The following BRIP1 variants were observed in gnomAD, a reference collection of about 807,000 sequenced individuals.
BRIP1 encodes the protein BRCA1 interacting DNA helicase 1, also known as Fanconi anemia group J protein.
Under a neutral mutation model 119.7 loss-of-function variants are expected in BRIP1, and 88 were observed. The observed-to-expected ratio is 0.74, with a 90% CI of 0.62 to 0.88. The LOEUF is 0.88. BRIP1 is among the 40% of genes least tolerant of loss of function. The pLI, the probability that BRIP1 is intolerant of heterozygous loss-of-function variation, is 0.00. For synonymous variants in BRIP1, 443 were observed against 496.5 expected (o/e 0.89, Z 1.43); for missense variants, 1,259 against 1,455.4 (o/e 0.87, Z 2.20).
rs762049694 is a variant in BRIP1 at position 61,784,441 on chromosome 17, T to C, written c.1474-17A>G. The C allele has an allele frequency of 1.2e-6, 2 of 1,606,830 alleles. No individual in the cohort carries two copies. Among genetic ancestry groups the C allele is most frequent in the Non-Finnish European group, 1.7e-6 (2 of 1,174,122 alleles). ...AAAATGTCCCTATAAGAAATTACCA[T>C]ATTAAGTATAGAGGGGTTGGGAGGG... On this transcript the variant is annotated splice_polypyrimidine_tract_variant and intron_variant, in intron 10 of 19. Coordinates refer to ENST00000259008, the MANE Select transcript of BRIP1 (RefSeq NM_032043.3).
At chr17:61,707,610 A>C (rs2061710225) in intron 17 of BRIP1, among the ~76,000 whole-genome samples, 1 of 151,970 alleles carries the variant, frequency 6.6e-6, no homozygotes, top group Admixed American at 6.6e-5. Flanking sequence ...TTTCCATTTT[A>C]TCTTCCAAGC....
In BRIP1 at chr17:61,774,693, A is replaced by G. The variant is rs1053284627; in HGVS notation, c.2097+1708T>C. 2.0e-5 allele frequency among the ~76,000 whole-genome samples: 3 copies of G among 152,228 alleles called. No individual in the cohort carries two copies. Among genetic ancestry groups the G allele is most frequent in the Admixed American group, 2.0e-4 (3 of 15,286 alleles). ...TTTCGCAATCAAAGAAATAAACTCAATTGGAACAAAGTATATTCGAAGGAT... is the reference window on the plus strand; with the variant it reads ...TTTCGCAATCAAAGAAATAAACTCAGTTGGAACAAAGTATATTCGAAGGAT... On this transcript the variant is annotated intron_variant, in intron 14 of 19. Coordinates refer to ENST00000259008, the MANE Select transcript of BRIP1 (RefSeq NM_032043.3). This position sits in a 1 kb window ranked among gnomAD's most constrained non-coding sequence, Gnocchi z 5.8.
chr17:61,742,874 T>G lies in BRIP1; in HGVS notation c.2379+139A>C, dbSNP rs772733336. 144 of 1,074,904 alleles carry G rather than the reference T, an allele frequency of 1.3e-4. No individual in the cohort carries two copies. Among genetic ancestry groups the G allele is most frequent in the Middle Eastern group, 4.7e-4 (2 of 4,238 alleles). 66.6% of individuals were successfully genotyped at this position (1,074,904 alleles called of 1,614,324 possible). A position where few individuals can be genotyped will look rare whatever the true frequency, so the allele number is the denominator to read the frequency against. ...AAATGGTGCTGAAAGACTTGCACAATGCAGGGTTACCATAAACCTTCAATT... is the reference window on the plus strand; with the variant it reads ...AAATGGTGCTGAAAGACTTGCACAAGGCAGGGTTACCATAAACCTTCAATT... On this transcript the variant is annotated intron_variant, in intron 16 of 19. Transcript: ENST00000259008. This position sits in a 1 kb window ranked among gnomAD's most constrained non-coding sequence, Gnocchi z 4.7.
intron 16 of BRIP1, among the ~76,000 whole-genome samples, chr17:61,727,149 A>G (rs998054449): frequency 6.6e-6 from 1 of 152,214 alleles, no homozygotes; most frequent in Non-Finnish European, 1.5e-5. Context: ...GAAAAAGGCA[A>G]GATTGCTCAT....
At chr17:61,783,107 T>C (rs966799441) in intron 11 of BRIP1, among the ~76,000 whole-genome samples, 2 of 152,192 alleles carry the variant, frequency 1.3e-5, no homozygotes, top group African/African-American at 4.8e-5. Context: ...ACGTTCATAG[T>C]AGCATTGTTT....
chr17:61,847,325 A>G, intron 5 of BRIP1, 105 bp from the exon 6 acceptor site: 2 of 1,251,618 alleles, frequency 1.6e-6, no homozygotes, highest in Non-Finnish European at 2.3e-6. Context: ...CCTGCATCCA[A>G]AAAAAGACTA....
At chr17:61,820,975 G>C (rs1190613632) in intron 6 of BRIP1, among the ~76,000 whole-genome samples, 1 of 151,048 alleles carries the variant, frequency 6.6e-6, no homozygotes. Flanking sequence ...AAGAAAGAAA[G>C]AAAGTACACT....
rs1025914957 is a variant in BRIP1, at chr17:61,757,220, TAAATACAAACTGA to T, written c.2098-12642_2098-12630del. Among the ~76,000 whole-genome samples, 1 of 152,210 alleles carries T rather than the reference TAAATACAAACTGA, an allele frequency of 6.6e-6. No homozygotes were observed. Among genetic ancestry groups the T allele is most frequent in the African/African-American group, 2.4e-5 (1 of 41,460 alleles). ...AAAAATGAATGTCCTTAATTTTTGCTAAATACAAACTGAAAATATAAGAAAACCAAGAATATGA... is the reference window on the plus strand; with the variant it reads ...AAAAATGAATGTCCTTAATTTTTGCTAAATATAAGAAAACCAAGAATATGA... On this transcript the variant is annotated intron_variant, in intron 14 of 19. Transcript: ENST00000259008. The surrounding 1 kb of genome is among the most constrained non-coding windows in gnomAD (Gnocchi z 4.3).
Position 61,835,979 on chromosome 17 carries a change from GA to G in BRIP1, c.627+11121del, listed in dbSNP as rs567542980. On this transcript the variant is annotated intron_variant, in intron 6 of 19. Transcript: ENST00000259008. ...GAAACGGATCTAGAAAGATCCTCAT[GA>G]AAGTGTTCATGGTGTTTCCTTCTGG... is the stretch of plus-strand genomic sequence containing the variant. Among the ~76,000 whole-genome samples, 500 of 152,222 alleles carry G rather than the reference GA, an allele frequency of 3.3e-3. 2 individuals carry two copies. Among genetic ancestry groups the G allele is most frequent in the African/African-American group, 0.011 (476 of 41,548 alleles).
rs1054721897 is a variant in BRIP1, at chr17:61,758,190, A to G, written c.2098-13599T>C. Among the ~76,000 whole-genome samples the G allele has an allele frequency of 6.6e-6, 1 of 152,180 alleles. No homozygotes were observed. The highest frequency in any genetic ancestry group is 2.4e-5 in the African/African-American group (1 of 41,448). On this transcript the variant is annotated intron_variant, in intron 14 of 19. Transcript: ENST00000259008. This position sits in a 1 kb window ranked among gnomAD's most constrained non-coding sequence, Gnocchi z 5.3. ...CTTGTTTTGCTTTTTAAAAATGAAGAACTGTTGACTGAGTTAATAATGTTG... is the reference window on the plus strand; with the variant it reads ...CTTGTTTTGCTTTTTAAAAATGAAGGACTGTTGACTGAGTTAATAATGTTG...
chr17:61,754,285 C>G lies in BRIP1; in HGVS notation c.2098-9694G>C, dbSNP rs1301861689. Among the ~76,000 whole-genome samples the G allele has an allele frequency of 6.6e-6, 1 of 152,140 alleles. No individual in the cohort carries two copies. The highest frequency in any genetic ancestry group is 1.5e-5 in the Non-Finnish European group (1 of 68,018). Reference sequence around the variant, plus strand: ...AGTCCTACTCTGCTACAATGGCTTCCTTTTGCTCAAACTAGGTACTCTCCT... The same window carrying G: ...AGTCCTACTCTGCTACAATGGCTTCGTTTTGCTCAAACTAGGTACTCTCCT... On this transcript the variant is annotated intron_variant, in intron 14 of 19. Coordinates refer to ENST00000259008, the MANE Select transcript of BRIP1 (RefSeq NM_032043.3). This position sits in a 1 kb window ranked among gnomAD's most constrained non-coding sequence, Gnocchi z 4.1.
intron 10 of BRIP1, among the ~76,000 whole-genome samples, chr17:61,786,024 A>G (rs2077700147): frequency 6.6e-6 from 1 of 152,182 alleles, no homozygotes; most frequent in African/African-American, 2.4e-5. Flanking sequence ...GTATAAAAAT[A>G]TAATCAAGTA....
At position 61,798,591 on chromosome 17, in the gene BRIP1, T is replaced by C. The variant is rs2077937497; in HGVS notation, c.1340+509A>G. On this transcript the variant is annotated intron_variant, in intron 9 of 19. Coordinates refer to ENST00000259008, the MANE Select transcript of BRIP1 (RefSeq NM_032043.3). The surrounding 1 kb of genome is among the most constrained non-coding windows in gnomAD (Gnocchi z 5.5). ...GATTCAGAGTTGGGAAGTTTTTTTC[T>C]ATGGTAACAAGATTCTAGATCAACA... 6.6e-6 allele frequency among the ~76,000 whole-genome samples: 1 copy of C among 152,034 alleles called. No homozygotes were observed. Among genetic ancestry groups the C allele is most frequent in the African/African-American group, 2.4e-5 (1 of 41,444 alleles).
chr17:61,736,289 C>T lies in BRIP1; in HGVS notation c.2379+6724G>A, dbSNP rs1239329071. Among the ~76,000 whole-genome samples, 1 of 152,036 alleles carries T rather than the reference C, an allele frequency of 6.6e-6. No individual in the cohort carries two copies. Among genetic ancestry groups the T allele is most frequent in the African/African-American group, 2.4e-5 (1 of 41,390 alleles). On this transcript the variant is annotated intron_variant, in intron 16 of 19. Transcript: ENST00000259008. This position sits in a 1 kb window ranked among gnomAD's most constrained non-coding sequence, Gnocchi z 4.4. The stretch of plus-strand genomic sequence containing the variant: ...GCTGCAGTGAGCTATGATTGTGCCA[C>T]TGCACTCCAACCTGGGCGACAGAAC...
rs1340018456 is a variant in BRIP1 at position 61,799,238 on chromosome 17, C to T, written c.1202G>A (p.Cys401Tyr). ...ACTGTAACTTGCTGATTCCCGAGCA[C>T]AGTCCTCGATGTTATGAGCTTCATC... ...ILDEAHNIEDCARESASYSVT... is the reference protein window; with the variant it reads ...ILDEAHNIEDYARESASYSVT... The change falls in exon 9 of 20, where the codon TGT becomes TAT. Residue 401 changes from cysteine to tyrosine, a missense_variant. This residue lies in a region of BRIP1 where 501 missense variants were observed against 544.0 expected (regional missense o/e 0.92). Transcript: ENST00000259008. The surrounding 1 kb of genome is among the most constrained non-coding windows in gnomAD (Gnocchi z 5.1). 1 of 1,613,526 alleles carries T rather than the reference C, an allele frequency of 6.2e-7. No individual in the cohort carries two copies. The highest frequency in any genetic ancestry group is 1.7e-5 in the Admixed American group (1 of 59,912).
Position 61,726,002 on chromosome 17 carries a change from A to G in BRIP1, c.2380-9939T>C, listed in dbSNP as rs191920374. ...TCCATGTTAAAATATTACTCAAACA[A>G]ACCTGCAAATGTTTAAATTATCATC... On this transcript the variant is annotated intron_variant, in intron 16 of 19. Coordinates refer to ENST00000259008, the MANE Select transcript of BRIP1 (RefSeq NM_032043.3). The surrounding 1 kb of genome is among the most constrained non-coding windows in gnomAD (Gnocchi z 6.2). Among the ~76,000 whole-genome samples the G allele has an allele frequency of 2.0e-5, 3 of 152,314 alleles. No homozygotes were observed. Among genetic ancestry groups the G allele is most frequent in the African/African-American group, 7.2e-5 (3 of 41,564 alleles).
At position 61,710,161 on chromosome 17, in the gene BRIP1, T is replaced by C. The variant is rs2061749474; in HGVS notation, c.2492+5790A>G. 6.6e-6 allele frequency among the ~76,000 whole-genome samples: 1 copy of C among 152,086 alleles called. No homozygotes were observed. The highest frequency in any genetic ancestry group is 2.4e-5 in the African/African-American group (1 of 41,434). ...AGTAAAATGATAGCTGGGCTCTCCA[T>C]TTAAAAAAATTAATAAAATTCTAAA... On this transcript the variant is annotated intron_variant, in intron 17 of 19. Coordinates refer to ENST00000259008, the MANE Select transcript of BRIP1 (RefSeq NM_032043.3). The surrounding 1 kb of genome is among the most constrained non-coding windows in gnomAD (Gnocchi z 5.4).
In BRIP1 at chr17:61,768,189, T is replaced by A. The variant is rs914152288; in HGVS notation, c.2097+8212A>T. On this transcript the variant is annotated intron_variant, in intron 14 of 19. Transcript: ENST00000259008. This position sits in a 1 kb window ranked among gnomAD's most constrained non-coding sequence, Gnocchi z 5.0. ...AAGTATGTACTCAATAATGATTTCTTCAATGGATTAAGTAAATAAAAATAA... is the reference window on the plus strand; with the variant it reads ...AAGTATGTACTCAATAATGATTTCTACAATGGATTAAGTAAATAAAAATAA... Among the ~76,000 whole-genome samples, 1 of 152,214 alleles carries A rather than the reference T, an allele frequency of 6.6e-6. No individual in the cohort carries two copies. Among genetic ancestry groups the A allele is most frequent in the South Asian group, 2.1e-4 (1 of 4,828 alleles).
At position 61,754,580 on chromosome 17, in the gene BRIP1, C is replaced by T. The variant is rs1390909006; in HGVS notation, c.2098-9989G>A. On this transcript the variant is annotated intron_variant, in intron 14 of 19. Transcript: ENST00000259008. The surrounding 1 kb of genome is among the most constrained non-coding windows in gnomAD (Gnocchi z 4.1). ...CAGGCTACCACACAAAAATATCAGA[C>T]TGAATGGCTTAAACAAAAGAAATTT... Among the ~76,000 whole-genome samples, 2 of 152,106 alleles carry T rather than the reference C, an allele frequency of 1.3e-5. No individual in the cohort carries two copies. The highest frequency in any genetic ancestry group is 2.9e-5 in the Non-Finnish European group (2 of 68,018).
Sources: allele counts gnomAD v4.1 joint callset (sites outside exome capture counted in the v4.1 genomes callset), GRCh38; gene constraint gnomAD v4.1.1; regional missense constraint gnomAD v4.1.1; non-coding constraint Gnocchi (gnomAD v3.1); transcripts MANE v1.5; gene names NCBI Gene and HGNC (gene_info 2026-07-23, HGNC 2026-07-21).